The following NPC1 variants were observed in gnomAD, a reference collection of about 807,000 sequenced individuals.
NPC1 encodes NPC intracellular cholesterol transporter 1, also known as Niemann-Pick C1 protein.
Under a neutral mutation model 140.4 loss-of-function variants are expected in NPC1, and 85 were observed. The ratio of observed to expected loss-of-function variants is 0.61; its 90% CI spans 0.51 to 0.72. The LOEUF is 0.72. NPC1 is among the 30% of genes least tolerant of loss of function. The pLI, the probability that NPC1 is intolerant of heterozygous loss-of-function variation, is 0.00. For missense variants in NPC1, 1,504 were observed against 1,623.8 expected (o/e 0.93, Z 1.27); for synonymous variants, 656 against 624.8 (o/e 1.05, Z -0.74).
intron 3 of NPC1, chr18:23,516,482 G>A: frequency 1.3e-6 from 2 of 1,558,354 alleles, no homozygotes; most frequent in Non-Finnish European, 1.8e-6. Flanking sequence ...ATAAATAATA[G>A]AAGGAGTGTG....
intron 11 of NPC1, among the ~76,000 whole-genome samples, chr18:23,547,115 G>A (rs2058801128): frequency 6.6e-6 from 1 of 152,082 alleles, no homozygotes; most frequent in Admixed American, 6.6e-5. Flanking sequence ...ACCATTCCCA[G>A]CCTGAACTGT....
At chr18:23,516,602 T>C (rs2058012121) in intron 3 of NPC1, among the ~76,000 whole-genome samples, 1 of 152,252 alleles carries the variant, frequency 6.6e-6, no homozygotes, top group East Asian at 1.9e-4. Flanking sequence ...GCAGTGTTTT[T>C]GGCATTCCTT....
chr18:23,541,038 G>C (rs193020582), intron 16 of NPC1, 30 bp downstream of exon 16: 2 of 1,612,746 alleles, frequency 1.2e-6, no homozygotes, highest in South Asian at 2.2e-5. Context: ...TCAGTGAGAG[G>C]AAAGAGAAAA....
intron 14 of NPC1, among the ~76,000 whole-genome samples, chr18:23,542,256 CT>C (rs10711695): frequency 0.052 from 7,184 of 137,170 alleles, 402 homozygotes; most frequent in East Asian, 0.28. Context: ...AAAGTTTTTT[CT>C]TTTTTTTTTT....
rs889196902 is a variant in NPC1 at position 23,532,962 on chromosome 18, G to A, written c.3754+393C>T. ...GGCAGCAAGCACTTTGCTAAGAAAC[G>A]GGAAATCCATGAGGGACATAAAAAG... On this transcript the variant is annotated intron_variant, in intron 24 of 24. Coordinates refer to ENST00000269228, the MANE Select transcript of NPC1 (RefSeq NM_000271.5). The A allele has an allele frequency of 6.1e-6, 6 of 984,908 alleles. No individual in the cohort carries two copies. In the African/African-American group the frequency reaches 7.0e-5, roughly 11 times the overall value. The allele number at this position is 984,908 out of a possible 1,614,324, so 61.0% of individuals were successfully genotyped here. A position where few individuals can be genotyped will look rare whatever the true frequency, so the allele number is the denominator to read the frequency against.
intron 4 of NPC1, among the ~76,000 whole-genome samples, chr18:23,567,071 C>T (rs1011168353): frequency 6.6e-6 from 1 of 152,178 alleles, no homozygotes; most frequent in Non-Finnish European, 1.5e-5. Context: ...AGTTTATTTA[C>T]CCATTCACCT....
At position 23,531,872 on chromosome 18, in the gene NPC1, A is replaced by G; in HGVS notation, c.*330T>C. On this transcript the variant is annotated 3_prime_UTR_variant, in exon 25 of 25. Transcript: ENST00000269228. Reference sequence around the variant, plus strand: ...CTTACTCCTAAAAGGAGAGACAGACAGTGCATTGATTGGCCTTTACAGAGT... The same window carrying G: ...CTTACTCCTAAAAGGAGAGACAGACGGTGCATTGATTGGCCTTTACAGAGT... 1 of 1,447,256 alleles carries G rather than the reference A, an allele frequency of 6.9e-7. No individual in the cohort carries two copies. The highest frequency in any genetic ancestry group is 9.0e-7 in the Non-Finnish European group (1 of 1,107,996). 89.7% of individuals were successfully genotyped at this position (1,447,256 alleles called of 1,614,324 possible).
chr18:23,529,864 G>A, downstream of NPC1: 1 of 1,028,928 alleles, frequency 9.7e-7, no homozygotes, highest in South Asian at 1.5e-5. Flanking sequence ...GTTGGAATGG[G>A]AAGTGTAAGG....
At chr18:23,530,105 C>T (rs1181368047), downstream of NPC1, 1 of 1,614,182 alleles carries the variant, frequency 6.2e-7, no homozygotes, top group East Asian at 2.2e-5. Flanking sequence ...TCCTGCAGTA[C>T]CACGTCCTCA....
chr18:23,538,068 T>C (rs1184584052), intron 20 of NPC1, among the ~76,000 whole-genome samples: 2 of 151,844 alleles, frequency 1.3e-5, no homozygotes, highest in Non-Finnish European at 2.9e-5. Flanking sequence ...GATGGGGGAG[T>C]GAGATAGCCC....
Position 23,561,411 on chromosome 18 carries a change from A to ACATGTATTCAATC in NPC1, c.567_579dup (p.Phe194AspfsTer2). 1 of 1,614,200 alleles carries ACATGTATTCAATC rather than the reference A, an allele frequency of 6.2e-7. No homozygotes were observed. The highest frequency in any genetic ancestry group is 1.1e-5 in the South Asian group (1 of 91,090). On this transcript the variant is annotated stop_gained and frameshift_variant, in exon 5 of 25. Transcript: ENST00000269228. LOFTEE classifies it high-confidence loss of function. ...GGTGCCTGTCCATTGTCCTTATTGA[A>ACATGTATTCAATC]CATGTATTCAATCCAGTTGGTGGCA...
chr18:23,538,536 A>C lies in NPC1; in HGVS notation c.3041+6T>G, dbSNP rs748021493. Reference sequence around the variant, plus strand: ...GATGCTTATCTGCAATGGCAGCAGCACTTACCCTTTGCCACACTTGGGGTT... The same window carrying C: ...GATGCTTATCTGCAATGGCAGCAGCCCTTACCCTTTGCCACACTTGGGGTT... On this transcript the variant is annotated splice_donor_region_variant and intron_variant, in intron 20 of 24. Transcript: ENST00000269228. 1.9e-6 allele frequency: 3 copies of C among 1,614,176 alleles called. No homozygotes were observed. Among genetic ancestry groups the C allele is most frequent in the Non-Finnish European group, 2.5e-6 (3 of 1,180,018 alleles).
In NPC1 at chr18:23,536,160, C is replaced by T. The variant is rs140465033; in HGVS notation, c.3246-460G>A. 4.6e-3 allele frequency among the ~76,000 whole-genome samples: 698 copies of T among 152,222 alleles called. 4 individuals carry two copies. The highest frequency in any genetic ancestry group is 0.016 in the African/African-American group (666 of 41,528). ...CAAATCCAGGCCTTCCTGCTTTAAG[C>T]GAGATCATGGGGAGGCAGGAAAAAT... On this transcript the variant is annotated intron_variant, in intron 21 of 24. Transcript: ENST00000269228.
At chr18:23,523,628 C>G (rs936146511) in intron 1 of NPC1, among the ~76,000 whole-genome samples, 7 of 149,578 alleles carry the variant, frequency 4.7e-5, no homozygotes, top group Non-Finnish European at 7.4e-5. Flanking sequence ...AAGGCTGAGG[C>G]AGGAGGACCA....
chr18:23,549,744 T>C (rs527807515), intron 10 of NPC1, among the ~76,000 whole-genome samples: 173 of 147,202 alleles, frequency 1.2e-3, no homozygotes, highest in Middle Eastern at 3.5e-3. Flanking sequence ...TTTCACAACT[T>C]TTTTTTTTTT....
downstream of NPC1, among the ~76,000 whole-genome samples, chr18:23,527,589 C>CTTTTTTT (rs71163615): frequency 1.8e-5 from 2 of 108,354 alleles, no homozygotes. Flanking sequence ...CCTGCTATAG[C>CTTTTTTT]TTTTTTTTTT....
intron 13 of NPC1, 99 bp from the exon 14 acceptor site, chr18:23,543,668 T>A (rs1049064402): frequency 1.4e-6 from 1 of 729,806 alleles, no homozygotes; most frequent in Non-Finnish European, 2.4e-6. Context: ...AAATAAATGA[T>A]TAGTAGACGA....
At chr18:23,527,049 C>G (rs984130002), downstream of NPC1, among the ~76,000 whole-genome samples, 5 of 152,032 alleles carry the variant, frequency 3.3e-5, no homozygotes, top group African/African-American at 1.2e-4. Flanking sequence ...ACACCTCTTT[C>G]AAAATCCAAG....
rs772897780 is a variant in NPC1 at position 23,536,880 on chromosome 18, A to G, written c.3042-4T>C. 1 of 1,613,028 alleles carries G rather than the reference A, an allele frequency of 6.2e-7. No individual in the cohort carries two copies. The highest frequency in any genetic ancestry group is 8.5e-7 in the Non-Finnish European group (1 of 1,179,432). ...AGAACTATAGGCAGCATGTCCCCTGAGGAAAGAATCCTGGGTGTCAAGAGA... is the reference window on the plus strand; with the variant it reads ...AGAACTATAGGCAGCATGTCCCCTGGGGAAAGAATCCTGGGTGTCAAGAGA... On this transcript the variant is annotated splice_region_variant and splice_polypyrimidine_tract_variant and intron_variant, in intron 20 of 24. Coordinates refer to ENST00000269228, the MANE Select transcript of NPC1 (RefSeq NM_000271.5).
Sources: gnomAD v4.1 joint callset for allele counts (sites outside exome capture counted in the v4.1 genomes callset) on GRCh38, gnomAD v4.1.1 for gene constraint, MANE v1.5 for transcripts, NCBI Gene and HGNC (gene_info 2026-07-23, HGNC 2026-07-21) for gene names.